The following GALNTL5 variants were observed in gnomAD, a reference collection of about 807,000 sequenced individuals.
The protein encoded by GALNTL5 is inactive polypeptide N-acetylgalactosaminyltransferase-like protein 5.
In GALNTL5, 44 loss-of-function variants were observed where a neutral mutation model predicts 51.0. The observed-to-expected ratio is 0.86, with a 90% CI of 0.68 to 1.11. GALNTL5 has a LOEUF of 1.11. Among genes scored for constraint, GALNTL5 ranks in the 50% least tolerant of loss-of-function variants. The probability of loss-of-function intolerance (pLI) is 0.00; values close to 1 mark genes in which losing one functional copy is unlikely to be tolerated. For synonymous variants in GALNTL5, 192 were observed against 182.8 expected (o/e 1.05, Z -0.41); for missense variants, 528 against 531.8 (o/e 0.99, Z 0.07).
intron 3 of GALNTL5, among the ~76,000 whole-genome samples, chr7:151,973,415 A>T (rs1217980316): frequency 6.6e-6 from 1 of 152,058 alleles, no homozygotes; most frequent in African/African-American, 2.4e-5. Context: ...CAGTAAGCCA[A>T]GTTCACACCA....
intron 5 of GALNTL5, 60 bp downstream of exon 5, chr7:151,987,341 G>A: frequency 6.8e-7 from 1 of 1,467,500 alleles, no homozygotes; most frequent in East Asian, 2.4e-5. Context: ...TCCCTTCTGA[G>A]CGGGACTCCT....
chr7:152,002,659 T>C (rs2081594598), intron 5 of GALNTL5, 55 bp from the exon 6 acceptor site: 2 of 1,581,278 alleles, frequency 1.3e-6, no homozygotes, highest in East Asian at 4.5e-5. Context: ...TTGATTTGGA[T>C]TGCCGTATTT....
At chr7:151,973,164 T>A (rs1345904473) in intron 3 of GALNTL5, among the ~76,000 whole-genome samples, 1 of 152,002 alleles carries the variant, frequency 6.6e-6, no homozygotes, top group South Asian at 2.1e-4. Flanking sequence ...TTCAGAACTT[T>A]AAGATTTAGG....
At chr7:152,010,481 T>A (rs947930486) in intron 7 of GALNTL5, among the ~76,000 whole-genome samples, 1 of 151,996 alleles carries the variant, frequency 6.6e-6, no homozygotes, top group Non-Finnish European at 1.5e-5. Flanking sequence ...TTAATTTTAT[T>A]TTTGGCCCAG....
chr7:151,969,355 G>T (rs1281061144), intron 2 of GALNTL5, among the ~76,000 whole-genome samples: 1 of 152,192 alleles, frequency 6.6e-6, no homozygotes, highest in South Asian at 2.1e-4. Flanking sequence ...GTGATGATGT[G>T]AGGTAAGAAT....
At chr7:151,970,407 C>T (rs529603270) in intron 2 of GALNTL5, among the ~76,000 whole-genome samples, 189 of 152,308 alleles carry the variant, frequency 1.2e-3, no homozygotes, top group Non-Finnish European at 2.2e-3. Flanking sequence ...ATATTTATCC[C>T]TCCATGTCTC....
At chr7:151,972,054 A>C (rs2081151243) in intron 3 of GALNTL5, among the ~76,000 whole-genome samples, 1 of 152,232 alleles carries the variant, frequency 6.6e-6, no homozygotes, top group African/African-American at 2.4e-5. Flanking sequence ...ATACCTAAAA[A>C]TGTAGAAGCA....
At chr7:152,008,370 T>C (rs1441520965) in intron 7 of GALNTL5, among the ~76,000 whole-genome samples, 2 of 151,902 alleles carry the variant, frequency 1.3e-5, no homozygotes, top group African/African-American at 4.8e-5. Flanking sequence ...TGTGAGCTAC[T>C]GTGCCTAGAC....
chr7:151,962,360 C>T (rs2081001256), intron 1 of GALNTL5, among the ~76,000 whole-genome samples: 1 of 148,512 alleles, frequency 6.7e-6, no homozygotes, highest in Non-Finnish European at 1.5e-5. Context: ...TTTTATACAT[C>T]AACTTCATTT....
rs1295279197 is a variant in GALNTL5 at position 152,019,798 on chromosome 7, G to A, written c.1329G>A (p.Leu443=). 6.2e-7 allele frequency: 1 copy of A among 1,605,818 alleles called. No individual in the cohort carries two copies. The highest frequency in any genetic ancestry group is 1.7e-5 in the Admixed American group (1 of 59,074). Reference sequence around the variant, plus strand: ...AGTTGGAGGCATCTGTGAACAGCCTGTGAAAGGAAAACAAATCACTTTCAT... The same window carrying A: ...AGTTGGAGGCATCTGTGAACAGCCTATGAAAGGAAAACAAATCACTTTCAT... ...FPELEASVNS[L] is the part of the protein sequence containing the mutation. The change falls in exon 9 of 9, where the codon CTG becomes CTA. Residue 443 remains leucine (L), a synonymous_variant. Transcript: ENST00000392800.
chr7:151,995,582 T>C (rs527369908), intron 5 of GALNTL5, among the ~76,000 whole-genome samples: 124 of 151,952 alleles, frequency 8.2e-4, no homozygotes, highest in Non-Finnish European at 1.6e-3. Context: ...GTCACTCTTC[T>C]GAGCCTCAGC....
At chr7:151,958,719 T>C (rs1049988843) in intron 1 of GALNTL5, among the ~76,000 whole-genome samples, 2 of 152,152 alleles carry the variant, frequency 1.3e-5, no homozygotes, top group Non-Finnish European at 2.9e-5. Flanking sequence ...AAGGTTACAG[T>C]GTTACAGCTC....
rs2081316681 is a variant in GALNTL5 at position 151,983,191 on chromosome 7, T to C, written c.535+39T>C. 2.6e-6 allele frequency: 4 copies of C among 1,554,300 alleles called. No homozygotes were observed. The African/African-American group carries it at 5.4e-5, about 21-fold the overall frequency. On this transcript the variant is annotated intron_variant, in intron 4 of 8. Transcript: ENST00000392800. The stretch of plus-strand genomic sequence containing the variant: ...CTCATTATCTCATCTACTTTGTTGT[T>C]GTTGTTGTTGAGATTTCCCTCTGTC...
intron 3 of GALNTL5, among the ~76,000 whole-genome samples, chr7:151,973,272 T>A (rs2081168912): frequency 6.7e-6 from 1 of 149,674 alleles, no homozygotes; most frequent in Non-Finnish European, 1.5e-5. Flanking sequence ...CTGGCCAGGA[T>A]GGTGAAACCC....
Position 151,990,164 on chromosome 7 carries a change from T to G in GALNTL5, c.658+2883T>G, listed in dbSNP as rs190575799. ...TTCAAGTGATTTTTGTGCCTCAGCC[T>G]CCTGAGTAGCTGGGATTACAGGTGC... On this transcript the variant is annotated intron_variant, in intron 5 of 8. Coordinates refer to ENST00000392800, the MANE Select transcript of GALNTL5 (RefSeq NM_145292.4). 2.0e-3 allele frequency among the ~76,000 whole-genome samples: 306 copies of G among 152,016 alleles called. 1 individual carries two copies. Among genetic ancestry groups the G allele is most frequent in the African/African-American group, 7.1e-3 (293 of 41,498 alleles).
At chr7:152,016,930 C>T (rs556751759) in intron 8 of GALNTL5, among the ~76,000 whole-genome samples, 8 of 151,230 alleles carry the variant, frequency 5.3e-5, no homozygotes, top group Admixed American at 1.3e-4. Flanking sequence ...CCCAGCTACT[C>T]GGGAGGCTGA....
At chr7:151,987,416 A>G in intron 5 of GALNTL5, 135 bp downstream of exon 5, 1 of 735,142 alleles carries the variant, frequency 1.4e-6, no homozygotes, top group Non-Finnish European at 2.1e-6. Flanking sequence ...TTCCAGCCAT[A>G]TGAGCCTTTA....
intron 1 of GALNTL5, among the ~76,000 whole-genome samples, chr7:151,958,870 C>T (rs1409660783): frequency 6.6e-6 from 1 of 152,154 alleles, no homozygotes; most frequent in African/African-American, 2.4e-5. Flanking sequence ...AGAGGGGATC[C>T]AAAGTGGGTA....
At chr7:152,005,716 A>G (rs1046930813) in intron 6 of GALNTL5, among the ~76,000 whole-genome samples, 5 of 152,200 alleles carry the variant, frequency 3.3e-5, no homozygotes, top group Non-Finnish European at 5.9e-5. Flanking sequence ...TCCAGAGATT[A>G]TTCTTTCAAG....
Sources: allele counts gnomAD v4.1 joint callset (sites outside exome capture counted in the v4.1 genomes callset), GRCh38; gene constraint gnomAD v4.1.1; transcripts MANE v1.5; gene names NCBI Gene and HGNC (gene_info 2026-07-23, HGNC 2026-07-21).